The following ZFHX3 variants were observed in gnomAD, a reference collection of about 807,000 sequenced individuals.
The protein encoded by ZFHX3 is zinc finger homeobox 3, also known as zinc finger homeobox protein 3.
In ZFHX3, 42 loss-of-function variants were observed where a neutral mutation model predicts 279.1. The observed-to-expected ratio is 0.15, with a 90% CI of 0.12 to 0.19. The LOEUF is 0.19. ZFHX3 is among the 10% of genes least tolerant of loss of function. The pLI, the probability that ZFHX3 is intolerant of heterozygous loss-of-function variation, is 1.00. For missense variants in ZFHX3, 4,981 were observed against 4,754.0 expected (o/e 1.05, Z -1.40); for synonymous variants, 2,293 against 1,957.8 (o/e 1.17, Z -4.52).
At chr16:73,231,873 A>T (rs1335100781) in intron 5 of ZFHX3, among the ~76,000 whole-genome samples, 1 of 152,198 alleles carries the variant, frequency 6.6e-6, no homozygotes, top group Admixed American at 6.5e-5. Flanking sequence ...CTTAGCCTCG[A>T]TGAGTAGGCA....
intron 1 of ZFHX3, among the ~76,000 whole-genome samples, chr16:73,862,349 C>T (rs1961903586): frequency 6.6e-6 from 1 of 152,184 alleles, no homozygotes; most frequent in African/African-American, 2.4e-5. Context: ...CTAAGAACCC[C>T]ATCAACTACA....
intron 1 of ZFHX3, among the ~76,000 whole-genome samples, chr16:73,731,071 T>C (rs2053566257): frequency 6.6e-6 from 1 of 152,234 alleles, no homozygotes; most frequent in Non-Finnish European, 1.5e-5. Flanking sequence ...GTTTCTTTGC[T>C]AGATTAAACT....
chr16:73,057,627 C>CGGCCGGGCGAGGTCTG lies in ZFHX3; in HGVS notation c.-24+887_-24+902dup, dbSNP rs1378504757. Among the ~76,000 whole-genome samples, 10 of 151,848 alleles carry CGGCCGGGCGAGGTCTG rather than the reference C, an allele frequency of 6.6e-5. 1 individual carries two copies. The South Asian group carries it at 1.7e-3, about 25-fold the overall frequency. On this transcript the variant is annotated intron_variant, in intron 1 of 8. Coordinates refer to the ZFHX3 transcript ENST00000397992. ...CTGAGCTCAGCTGGCGGAAGAAGGC[C>CGGCCGGGCGAGGTCTG]GGCCGGGCGAGGTCTGGCCCTGGCC...
chr16:73,465,090 C>T (rs894479075), intron 2 of ZFHX3, among the ~76,000 whole-genome samples: 3 of 152,164 alleles, frequency 2.0e-5, no homozygotes, highest in Admixed American at 1.3e-4. Flanking sequence ...ATCTGTGTCT[C>T]CTCAACTCAT....
intron 7 of ZFHX3, among the ~76,000 whole-genome samples, chr16:72,803,509 C>A (rs2036174244): frequency 6.6e-6 from 1 of 152,164 alleles, no homozygotes; most frequent in Admixed American, 6.5e-5. Flanking sequence ...GTCCTACCAC[C>A]AATTTTCCTG....
At chr16:72,818,253 C>T (rs553399257) in intron 5 of ZFHX3, among the ~76,000 whole-genome samples, 1 of 152,310 alleles carries the variant, frequency 6.6e-6, no homozygotes, top group East Asian at 1.9e-4. Context: ...GCTTCTCATA[C>T]CTCATGCTCC....
intron 2 of ZFHX3, among the ~76,000 whole-genome samples, chr16:73,510,789 C>A (rs2019415031): frequency 6.6e-6 from 1 of 152,182 alleles, no homozygotes; most frequent in South Asian, 2.1e-4. Flanking sequence ...ACTCAGTGTT[C>A]CATGTCCTTG....
intron 1 of ZFHX3, among the ~76,000 whole-genome samples, chr16:73,871,816 T>C (rs2029862714): frequency 6.6e-6 from 1 of 152,002 alleles, no homozygotes; most frequent in African/African-American, 2.4e-5. Flanking sequence ...GCTAACAAAA[T>C]AAATAATCAC....
At chr16:73,890,332 C>T (rs1004090225) in intron 1 of ZFHX3, among the ~76,000 whole-genome samples, 1 of 151,842 alleles carries the variant, frequency 6.6e-6, no homozygotes, top group Non-Finnish European at 1.5e-5. Context: ...TACAAAATAG[C>T]CAAAAGGGGT....
chr16:73,078,308 G>A (rs563691619), intron 8 of ZFHX3, among the ~76,000 whole-genome samples: 1 of 152,258 alleles, frequency 6.6e-6, no homozygotes, highest in Admixed American at 6.5e-5. Context: ...CAACCTCGAA[G>A]TCAAAGCCCC....
chr16:73,118,278 G>A (rs1397438349), intron 7 of ZFHX3, among the ~76,000 whole-genome samples: 1 of 152,058 alleles, frequency 6.6e-6, no homozygotes, highest in African/African-American at 2.4e-5. Context: ...GCACAATTTC[G>A]GCTCGCTGCA....
chr16:73,549,800 T>TC (rs1351483019), intron 2 of ZFHX3, among the ~76,000 whole-genome samples: 1 of 152,120 alleles, frequency 6.6e-6, no homozygotes, highest in African/African-American at 2.4e-5. Context: ...GGCTTTTTTT[T>TC]CTTCTTTTTC....
intron 5 of ZFHX3, among the ~76,000 whole-genome samples, chr16:73,166,357 A>C (rs888318327): frequency 2.6e-5 from 4 of 152,358 alleles, no homozygotes; most frequent in African/African-American, 9.6e-5. Flanking sequence ...AAACAGAGAC[A>C]AATCAAGAAG....
chr16:72,981,877 CTTTTT>C (rs34508059), intron 1 of ZFHX3, among the ~76,000 whole-genome samples: 2 of 130,718 alleles, frequency 1.5e-5, no homozygotes, highest in African/African-American at 2.9e-5. Flanking sequence ...ACACATTTTC[CTTTTT>C]TTTTTTTTTT....
At chr16:73,713,669 A>C (rs550833208) in intron 1 of ZFHX3, among the ~76,000 whole-genome samples, 9 of 151,456 alleles carry the variant, frequency 5.9e-5, no homozygotes, top group Non-Finnish European at 1.3e-4. Flanking sequence ...TGCTTTTTAC[A>C]TCTATTTCTT....
At chr16:73,609,140 G>A (rs1454680705) in intron 2 of ZFHX3, 1 of 152,176 alleles carries the variant, frequency 6.6e-6, no homozygotes, top group Non-Finnish European at 1.5e-5. Flanking sequence ...AAATGCAGAC[G>A]TGTGGATTCA....
intron 1 of ZFHX3, among the ~76,000 whole-genome samples, chr16:73,025,689 C>A (rs1484676846): frequency 6.6e-6 from 1 of 152,090 alleles, no homozygotes; most frequent in Admixed American, 6.5e-5. Flanking sequence ...CATGAACATC[C>A]CAGCCAGAGT....
intron 4 of ZFHX3, among the ~76,000 whole-genome samples, chr16:72,858,073 G>A (rs971720386): frequency 3.3e-5 from 5 of 152,304 alleles, no homozygotes; most frequent in South Asian, 2.1e-4. Flanking sequence ...GATCTGGTGC[G>A]GCGGGGGGCT....
At position 73,337,899 on chromosome 16, in the gene ZFHX3, G is replaced by A. The variant is rs549212581; in HGVS notation, c.-1290-19563C>T. On this transcript the variant is annotated intron_variant, in intron 3 of 17. Transcript: ENST00000641206. ...GTCTTCATCTTCCCTTGGCGGGGGG[G>A]GGGGTCCTCATCCCCTTTTTATGCC... is the stretch of plus-strand genomic sequence containing the variant. 1.8e-3 allele frequency among the ~76,000 whole-genome samples: 252 copies of A among 140,600 alleles called. 23 individuals are homozygous for A. The highest frequency in any genetic ancestry group is 5.8e-3 in the African/African-American group (226 of 38,748). The allele number at this position is 140,600 out of a possible 152,430, so 92.2% of individuals were successfully genotyped here.
Sources: allele counts gnomAD v4.1 joint callset (sites outside exome capture counted in the v4.1 genomes callset), GRCh38; gene constraint gnomAD v4.1.1; transcripts MANE v1.5; gene names NCBI Gene and HGNC (gene_info 2026-07-23, HGNC 2026-07-21).